Variants in TMEM260 observed in about 807,000 individuals in gnomAD.
The protein encoded by TMEM260 is protein O-mannosyl-transferase TMEM260.
In TMEM260, 82 loss-of-function variants were observed where a neutral mutation model predicts 88.9. The ratio of observed to expected loss-of-function variants is 0.92; its 90% CI spans 0.77 to 1.11. TMEM260 has a LOEUF of 1.11. TMEM260 is among the 50% of genes least tolerant of loss of function. The pLI is 0.00. For missense variants in TMEM260, 902 were observed against 853.4 expected, an observed-to-expected ratio of 1.06 and a Z score of -0.71; for synonymous variants, 314 against 309.3, an observed-to-expected ratio of 1.02 and a Z score of -0.16.
intron 3 of TMEM260, among the ~76,000 whole-genome samples, chr14:56,603,263 C>A (rs80047550): frequency 6.9e-6 from 1 of 144,282 alleles, no homozygotes; most frequent in South Asian, 2.2e-4. Context: ...AGAAAAAAAA[C>A]CCTTGCAAAG....
rs1208014429 is a variant in TMEM260, at chr14:56,634,879, C to G, written c.1725-20C>G. 10 of 1,595,896 alleles carry G rather than the reference C, an allele frequency of 6.3e-6. No homozygotes were observed. In the African/African-American group the frequency reaches 9.5e-5, roughly 15 times the overall value. On this transcript the variant is annotated intron_variant, in intron 13 of 15. Transcript: ENST00000261556. Reference sequence around the variant, plus strand: ...AAAAGTGGGTGACAGAAAGATATTACTGTTTTCTTGTAACTACAGGTTTGA... The same window carrying G: ...AAAAGTGGGTGACAGAAAGATATTAGTGTTTTCTTGTAACTACAGGTTTGA...
chr14:56,661,628 C>G, the TMEM260 span, among the ~76,000 whole-genome samples: 10,989 of 151,762 alleles, frequency 0.072, 539 homozygotes, highest in Non-Finnish European at 0.1. Context: ...GAAACAGGAC[C>G]TGGCCTAAAG....
At chr14:56,634,004 C>G (rs1888831627) in intron 13 of TMEM260, among the ~76,000 whole-genome samples, 1 of 152,170 alleles carries the variant, frequency 6.6e-6, no homozygotes, top group African/African-American at 2.4e-5. Flanking sequence ...GATGGATGAT[C>G]AAAACACTCT....
At chr14:56,585,339 T>C (rs1885423528) in intron 2 of TMEM260, among the ~76,000 whole-genome samples, 1 of 152,154 alleles carries the variant, frequency 6.6e-6, no homozygotes, top group Non-Finnish European at 1.5e-5. Context: ...AACTTTATTA[T>C]GGTGCATGAT....
rs4901700 is a variant in TMEM260 at position 56,583,503 on chromosome 14, A to G, written c.161-1498A>G. On this transcript the variant is annotated intron_variant, in intron 1 of 15. Coordinates refer to ENST00000261556, the MANE Select transcript of TMEM260 (RefSeq NM_017799.4). Reference sequence around the variant, plus strand: ...GATGCTTTGTGTGTGGCCAGAGGGGAGAGGTGGTGGTATCCTGGCACGATC... The same window carrying G: ...GATGCTTTGTGTGTGGCCAGAGGGGGGAGGTGGTGGTATCCTGGCACGATC... Among the ~76,000 whole-genome samples, 1,291 of 151,886 alleles carry G rather than the reference A, an allele frequency of 8.5e-3. 36 individuals are homozygous for G. The East Asian group carries it at 0.086, about 10-fold the overall frequency.
chr14:56,598,381 T>C (rs2139536357), intron 3 of TMEM260, among the ~76,000 whole-genome samples: 1 of 152,092 alleles, frequency 6.6e-6, no homozygotes, highest in East Asian at 1.9e-4. Flanking sequence ...AGAAAGCCTG[T>C]TGCCACTGGA....
At chr14:56,599,866 T>C (rs182904517) in intron 3 of TMEM260, among the ~76,000 whole-genome samples, 1 of 152,214 alleles carries the variant, frequency 6.6e-6, no homozygotes, top group Non-Finnish European at 1.5e-5. Flanking sequence ...TTTTAGAGAA[T>C]GTTAGAATCT....
intron 15 of TMEM260, among the ~76,000 whole-genome samples, chr14:56,638,936 T>C (rs964604560): frequency 7.9e-5 from 12 of 152,132 alleles, no homozygotes; most frequent in Admixed American, 7.9e-4. Flanking sequence ...TAACGAAGAA[T>C]GATGGGCTTC....
At chr14:56,599,684 G>A (rs192601044) in intron 3 of TMEM260, among the ~76,000 whole-genome samples, 23 of 152,224 alleles carry the variant, frequency 1.5e-4, no homozygotes, top group Admixed American at 9.2e-4. Context: ...GTATGTTTTC[G>A]TTGCTGCATA....
chr14:56,655,025 A>G (rs1024654607), downstream of TMEM260, among the ~76,000 whole-genome samples: 1 of 152,150 alleles, frequency 6.6e-6, no homozygotes, highest in Non-Finnish European at 1.5e-5. Context: ...TGTTATTATA[A>G]CAATCTTGGT....
chr14:56,612,217 C>G (rs1227286876), intron 6 of TMEM260, 28 bp from the exon 7 acceptor site: 5 of 1,596,604 alleles, frequency 3.1e-6, no homozygotes. Flanking sequence ...AATGCTTGTG[C>G]AGATAAACTT....
intron 10 of TMEM260, chr14:56,619,285 C>A: frequency 6.5e-6 from 1 of 154,584 alleles, no homozygotes; most frequent in Non-Finnish European, 1.4e-5. Flanking sequence ...AGTCCTCTGC[C>A]TCAGCCTCCT....
intron 3 of TMEM260, chr14:56,593,463 T>G (rs1393443626): frequency 6.6e-6 from 1 of 152,106 alleles, no homozygotes; most frequent in African/African-American, 2.4e-5. Flanking sequence ...ATCAGGAAGA[T>G]TTATCTACTT....
chr14:56,642,974 A>T (rs979468954), intron 15 of TMEM260, among the ~76,000 whole-genome samples: 1 of 152,232 alleles, frequency 6.6e-6, no homozygotes, highest in African/African-American at 2.4e-5. Context: ...AAGAAGCTGA[A>T]TGTCTGAACA....
In TMEM260 at chr14:56,609,233, T is replaced by G; in HGVS notation, c.764T>G (p.Leu255Arg). Residue 255 changes from leucine to arginine, a missense_variant, in exon 6 of 16, where the codon CTG becomes CGG. Coordinates refer to ENST00000261556, the MANE Select transcript of TMEM260 (RefSeq NM_017799.4). The part of the protein sequence containing the change: ...ARWTWGDQTT[L>R]QGFLTHFLRE... The stretch of plus-strand genomic sequence containing the variant: ...TGGACCTGGGGAGACCAGACAACAC[T>G]GCAAGGATTTTTGACACATTTTCTC... 1 of 1,614,150 alleles carries G rather than the reference T, an allele frequency of 6.2e-7. No individual in the cohort carries two copies. The highest frequency in any genetic ancestry group is 8.5e-7 in the Non-Finnish European group (1 of 1,180,028).
chr14:56,654,768 C>G (rs923873954), downstream of TMEM260, among the ~76,000 whole-genome samples: 1 of 129,948 alleles, frequency 7.7e-6, no homozygotes, highest in East Asian at 2.4e-4. Context: ...GAGCCAAGAT[C>G]GCGCCATTGC....
In TMEM260 at chr14:56,648,614, C is replaced by A. The variant is rs558917143; in HGVS notation, c.*1117C>A. 1.3e-5 allele frequency: 2 copies of A among 152,670 alleles called. No individual in the cohort carries two copies. Among genetic ancestry groups the A allele is most frequent in the Non-Finnish European group, 2.9e-5 (2 of 68,064 alleles). The allele number at this position is 152,670 out of a possible 1,614,324, so 9.5% of individuals were successfully genotyped here. ...TGAGTCATTCAGCAAGAAAAGGCCC[C>A]TTACCAGGAATAGTCACAGTTCCGT... On this transcript the variant is annotated 3_prime_UTR_variant, in exon 16 of 16. Transcript: ENST00000261556.
At chr14:56,639,145 C>T (rs1260765051) in intron 15 of TMEM260, among the ~76,000 whole-genome samples, 1 of 152,030 alleles carries the variant, frequency 6.6e-6, no homozygotes, top group Non-Finnish European at 1.5e-5. Flanking sequence ...GACTTCAACA[C>T]CTTAGTGCAG....
At chr14:56,617,086 A>T (rs1887635616) in intron 8 of TMEM260, 97 bp from the exon 9 acceptor site, 1 of 679,450 alleles carries the variant, frequency 1.5e-6, no homozygotes, top group Admixed American at 3.9e-5. Context: ...TTAAAAATGG[A>T]AAGTTTTTAT....
Sources: gnomAD v4.1 joint callset for allele counts (sites outside exome capture counted in the v4.1 genomes callset) on GRCh38, gnomAD v4.1.1 for gene constraint, MANE v1.5 for transcripts, NCBI Gene and HGNC (gene_info 2026-07-23, HGNC 2026-07-21) for gene names.